Variants in HS6ST3 observed in about 807,000 individuals in gnomAD.
The protein encoded by HS6ST3 is heparan sulfate 6-O-sulfotransferase 3.
In HS6ST3, 12 loss-of-function variants were observed where a neutral mutation model predicts 36.7. That is an observed-to-expected ratio of 0.33 (90% CI 0.21 to 0.53). HS6ST3 has a LOEUF of 0.53. Ranked by LOEUF, HS6ST3 falls within the 20% of genes least tolerant of loss-of-function variation. The pLI is 0.95. For missense variants in HS6ST3, 584 were observed against 640.9 expected (o/e 0.91, Z 0.96); for synonymous variants, 240 against 257.5 (o/e 0.93, Z 0.65).
intron 1 of HS6ST3, among the ~76,000 whole-genome samples, chr13:96,243,073 T>G (rs773894842): frequency 1.3e-5 from 2 of 152,248 alleles, no homozygotes; most frequent in Non-Finnish European, 2.9e-5. Context: ...ATCCAAAATA[T>G]TGCCACTTTA....
intron 1 of HS6ST3, among the ~76,000 whole-genome samples, chr13:96,688,242 T>TAATAATAATAAA (rs1169064993): frequency 1.5e-4 from 20 of 129,160 alleles, no homozygotes; most frequent in African/African-American, 2.9e-4. Flanking sequence ...ATCATCATAA[T>TAATAATAATAAA]AAAAAGACTC....
chr13:96,375,139 C>T (rs2055308547), intron 1 of HS6ST3, among the ~76,000 whole-genome samples: 1 of 152,100 alleles, frequency 6.6e-6, no homozygotes, highest in Admixed American at 6.6e-5. Context: ...CTCAGCACAC[C>T]TTTCTCTGGC....
chr13:96,634,985 A>C (rs1487631539), intron 1 of HS6ST3, among the ~76,000 whole-genome samples: 2 of 152,050 alleles, frequency 1.3e-5, no homozygotes, highest in African/African-American at 2.4e-5. Context: ...CCCATGTCTA[A>C]CCAAGGACAA....
intron 1 of HS6ST3, among the ~76,000 whole-genome samples, chr13:96,763,310 A>G (rs966065293): frequency 1.3e-5 from 2 of 149,502 alleles, no homozygotes; most frequent in African/African-American, 4.9e-5. Flanking sequence ...ATGTATTAGT[A>G]TAATAGGTTT....
intron 1 of HS6ST3, among the ~76,000 whole-genome samples, chr13:96,426,952 C>T (rs1433499286): frequency 1.3e-5 from 2 of 152,128 alleles, no homozygotes; most frequent in African/African-American, 4.8e-5. Context: ...GTTCTCTACA[C>T]ATATGAAATA....
chr13:96,816,019 T>TA (rs1384123710), intron 1 of HS6ST3, among the ~76,000 whole-genome samples: 1 of 152,126 alleles, frequency 6.6e-6, no homozygotes, highest in East Asian at 1.9e-4. Flanking sequence ...TGTCTGTACA[T>TA]ACTAGCCCTA....
intron 1 of HS6ST3, among the ~76,000 whole-genome samples, chr13:96,301,654 G>A (rs2054882512): frequency 6.6e-6 from 1 of 152,102 alleles, no homozygotes; most frequent in Non-Finnish European, 1.5e-5. Context: ...CACTTTGGGA[G>A]GCTAAGGTAG....
chr13:96,448,188 G>A (rs1436376343), intron 1 of HS6ST3, among the ~76,000 whole-genome samples: 2 of 151,946 alleles, frequency 1.3e-5, no homozygotes, highest in African/African-American at 4.8e-5. Flanking sequence ...TTTTCTCTTG[G>A]CACAAAGTTT....
At chr13:96,175,243 C>G (rs1054038813) in intron 1 of HS6ST3, among the ~76,000 whole-genome samples, 1 of 151,990 alleles carries the variant, frequency 6.6e-6, no homozygotes, top group Non-Finnish European at 1.5e-5. Context: ...AATGAAAGTT[C>G]GGGTGAGTGG....
chr13:96,365,686 T>A (rs1354530985), intron 1 of HS6ST3, among the ~76,000 whole-genome samples: 1 of 152,234 alleles, frequency 6.6e-6, no homozygotes, highest in African/African-American at 2.4e-5. Context: ...TTGTTATTTG[T>A]GACTATCTAA....
chr13:96,415,077 A>T (rs1594775135), intron 1 of HS6ST3, among the ~76,000 whole-genome samples: 2 of 152,234 alleles, frequency 1.3e-5, no homozygotes, highest in South Asian at 4.1e-4. Flanking sequence ...TATTTTACAC[A>T]TAACTGAGAA....
chr13:96,439,232 T>C (rs987622139), intron 1 of HS6ST3, among the ~76,000 whole-genome samples: 1 of 152,218 alleles, frequency 6.6e-6, no homozygotes, highest in Non-Finnish European at 1.5e-5. Flanking sequence ...TTGGTCCTGG[T>C]CCTCTTTATC....
At chr13:96,511,559 G>A (rs2056049886) in intron 1 of HS6ST3, among the ~76,000 whole-genome samples, 1 of 151,138 alleles carries the variant, frequency 6.6e-6, no homozygotes, top group Non-Finnish European at 1.5e-5. Flanking sequence ...TGTATACTTA[G>A]CCCATTTTTA....
At chr13:96,329,687 G>C (rs1391062104) in intron 1 of HS6ST3, among the ~76,000 whole-genome samples, 1 of 116,794 alleles carries the variant, frequency 8.6e-6, no homozygotes, top group Non-Finnish European at 1.8e-5. Flanking sequence ...TTCTGTAGAT[G>C]TCTATTAGGT....
intron 1 of HS6ST3, among the ~76,000 whole-genome samples, chr13:96,495,534 C>CT (rs1249508703): frequency 1.3e-5 from 2 of 152,084 alleles, no homozygotes; most frequent in Non-Finnish European, 2.9e-5. Context: ...GGAGATTGTT[C>CT]TTTTTTTGTT....
At chr13:96,417,024 A>G (rs1477455181) in intron 1 of HS6ST3, among the ~76,000 whole-genome samples, 1 of 152,188 alleles carries the variant, frequency 6.6e-6, no homozygotes, top group Non-Finnish European at 1.5e-5. Flanking sequence ...TGCTGGGATT[A>G]CAGGCGTGAG....
chr13:96,301,912 T>C (rs2054884700), intron 1 of HS6ST3, among the ~76,000 whole-genome samples: 1 of 146,252 alleles, frequency 6.8e-6, no homozygotes, highest in African/African-American at 2.5e-5. Flanking sequence ...ATAATAATAA[T>C]AATAATAATA....
chr13:96,831,486 G>A (rs1243921352), intron 1 of HS6ST3, among the ~76,000 whole-genome samples: 3 of 152,100 alleles, frequency 2.0e-5, no homozygotes, highest in Non-Finnish European at 2.9e-5. Flanking sequence ...ATTTTAAAAA[G>A]TAACAATAAA....
Position 96,791,751 on chromosome 13 carries a change from A to G in HS6ST3, c.708-40739A>G, listed in dbSNP as rs145038322. 3.2e-3 allele frequency among the ~76,000 whole-genome samples: 480 copies of G among 152,170 alleles called. 5 individuals are homozygous for G. The highest frequency in any genetic ancestry group is 0.016 in the Admixed American group (243 of 15,254). ...CTTGGATTTCAGTTTGTGCTGTCCC[A>G]TAGTAATGCCGTGTGTTTTAGATCT... On this transcript the variant is annotated intron_variant, in intron 1 of 1. Coordinates refer to ENST00000376705, the MANE Select transcript of HS6ST3 (RefSeq NM_153456.4).
Sources: gnomAD v4.1 joint callset for allele counts (sites outside exome capture counted in the v4.1 genomes callset) on GRCh38, gnomAD v4.1.1 for gene constraint, MANE v1.5 for transcripts, NCBI Gene and HGNC (gene_info 2026-07-23, HGNC 2026-07-21) for gene names.